NCKAP1: variants seen among roughly 807,000 people sequenced by gnomAD.
NCKAP1 encodes the protein nck-associated protein 1.
A neutral mutation model predicts 151.2 loss-of-function variants in NCKAP1; 21 were observed. The observed-to-expected ratio is 0.14, with a 90% CI of 0.10 to 0.20. NCKAP1 has a LOEUF of 0.20. NCKAP1 is among the 10% of genes least tolerant of loss of function. NCKAP1 has a pLI of 1.00. For synonymous variants in NCKAP1, 484 were observed against 451.8 expected, an observed-to-expected ratio of 1.07 and a Z score of -0.90; for missense variants, 933 against 1,352.1, an observed-to-expected ratio of 0.69 and a Z score of 4.86.
At chr2:182,952,270 A>G (rs758132405) in intron 23 of NCKAP1, 135 bp downstream of exon 23, 4 of 561,308 alleles carry the variant, frequency 7.1e-6, no homozygotes, top group Non-Finnish European at 1.2e-5. Flanking sequence ...CTTGCTAGCT[A>G]TTTAATTTTC....
chr2:183,006,425 T>G (rs545677551), intron 2 of NCKAP1, among the ~76,000 whole-genome samples: 1 of 152,360 alleles, frequency 6.6e-6, no homozygotes, highest in South Asian at 2.1e-4. Flanking sequence ...TCCCCATTAT[T>G]ACCCATAGTA....
intron 1 of NCKAP1, among the ~76,000 whole-genome samples, chr2:183,031,576 T>TG (rs1208925236): frequency 1.3e-5 from 2 of 150,696 alleles, no homozygotes; most frequent in Middle Eastern, 3.5e-3. Context: ...AATCTGGGGG[T>TG]GGGGGGGAAT....
rs145515635 is a variant in NCKAP1, at chr2:182,916,390, G to GA, written c.*9311dup. 2.0e-5 allele frequency: 3 copies of GA among 152,236 alleles called. No individual in the cohort carries two copies. In the East Asian group the frequency reaches 5.8e-4, roughly 29 times the overall value. 9.4% of individuals were successfully genotyped at this position (152,236 alleles called of 1,614,324 possible). On this transcript the variant is annotated 3_prime_UTR_variant, in exon 31 of 31. Coordinates refer to ENST00000361354, the MANE Select transcript of NCKAP1 (RefSeq NM_013436.5). ...CTTTCCTAACTTAAAGTAAGATTCT[G>GA]AGAGTTACACAGGGTAGGAAATTTG...
intron 23 of NCKAP1, among the ~76,000 whole-genome samples, chr2:182,951,209 ACT>A (rs1398400806): frequency 6.6e-6 from 1 of 151,738 alleles, no homozygotes; most frequent in Non-Finnish European, 1.5e-5. Context: ...AGTCACACTG[ACT>A]CTTGCTATTT....
intron 19 of NCKAP1, chr2:182,956,903 AGAAG>A: frequency 5.0e-6 from 1 of 200,504 alleles, no homozygotes; most frequent in Non-Finnish European, 9.8e-6. Flanking sequence ...CTGTTATGAG[AGAAG>A]GAAAGTTGTC....
chr2:183,038,040 G>A lies in NCKAP1; in HGVS notation c.60C>T (p.Leu20=), dbSNP rs138660373. 3.0e-4 allele frequency: 473 copies of A among 1,587,510 alleles called. No individual in the cohort carries two copies. The African/African-American group carries it at 5.8e-3, about 20-fold the overall frequency. Residue 20 remains leucine, a synonymous_variant, in exon 1 of 31, where the codon CTC becomes CTT. Coordinates refer to ENST00000361354, the MANE Select transcript of NCKAP1 (RefSeq NM_013436.5). ...QQKLAEKLTI[L]NDRGVGMLTR... ...TGAGCATGCCGACGCCCCGGTCGTT[G>A]AGGATGGTGAGCTTCTCCGCCAGCT...
intron 16 of NCKAP1, among the ~76,000 whole-genome samples, chr2:182,966,612 A>T (rs1697577738): frequency 6.6e-6 from 1 of 152,146 alleles, no homozygotes; most frequent in South Asian, 2.1e-4. Flanking sequence ...ATCTGATCAC[A>T]ACTAAGTTGA....
chr2:182,910,948 G>GCACCA lies in NCKAP1; in HGVS notation c.*14753_*14754insTGGTG, dbSNP rs5836857. 1 of 117,816 alleles carries GCACCA rather than the reference G, an allele frequency of 8.5e-6. No individual in the cohort carries two copies. Among genetic ancestry groups the GCACCA allele is most frequent in the African/African-American group, 2.9e-5 (1 of 34,734 alleles). The allele number at this position is 117,816 out of a possible 1,614,324, so 7.3% of individuals were successfully genotyped here. On this transcript the variant is annotated 3_prime_UTR_variant, in exon 31 of 31. Transcript: ENST00000361354. Reference sequence around the variant, plus strand: ...CTTGGAAATAAAAATAAAATCCTAAGCTCCCCCCCCACATTTGACTAAACA... The same window carrying GCACCA: ...CTTGGAAATAAAAATAAAATCCTAAGCACCACTCCCCCCCCACATTTGACTAAACA...
At chr2:182,980,935 A>G (rs1697924964) in intron 13 of NCKAP1, among the ~76,000 whole-genome samples, 1 of 152,094 alleles carries the variant, frequency 6.6e-6, no homozygotes, top group Non-Finnish European at 1.5e-5. Context: ...AGTACACCTG[A>G]TTTATGATTA....
intron 18 of NCKAP1, among the ~76,000 whole-genome samples, chr2:182,958,577 A>G (rs1178430808): frequency 9.2e-5 from 14 of 152,204 alleles, no homozygotes. Flanking sequence ...CAAGTGTAAT[A>G]AAAAAATTTT....
intron 1 of NCKAP1, among the ~76,000 whole-genome samples, chr2:183,029,225 T>G (rs1698958676): frequency 6.6e-6 from 1 of 152,138 alleles, no homozygotes; most frequent in African/African-American, 2.4e-5. Context: ...CAAGGATGTT[T>G]CAGAAAACTA....
chr2:182,942,895 A>G (rs975493504), intron 23 of NCKAP1, among the ~76,000 whole-genome samples: 2 of 152,178 alleles, frequency 1.3e-5, no homozygotes, highest in African/African-American at 4.8e-5. Flanking sequence ...AGCCTAGACA[A>G]CAATAAACCG....
chr2:182,928,371 CTT>C, intron 28 of NCKAP1, 145 bp from the exon 29 acceptor site: 1 of 573,292 alleles, frequency 1.7e-6, no homozygotes, highest in East Asian at 2.9e-5. Flanking sequence ...TCTCCTTTGA[CTT>C]TCATGAACAC....
At chr2:183,028,731 T>C (rs1052622527) in intron 1 of NCKAP1, among the ~76,000 whole-genome samples, 1 of 152,104 alleles carries the variant, frequency 6.6e-6, no homozygotes, top group Non-Finnish European at 1.5e-5. Flanking sequence ...AGTTAATAAA[T>C]AAGTTCCAAA....
chr2:182,943,200 A>C (rs1486449304), intron 23 of NCKAP1, among the ~76,000 whole-genome samples: 1 of 152,134 alleles, frequency 6.6e-6, no homozygotes, highest in Non-Finnish European at 1.5e-5. Context: ...TGGTTATTTC[A>C]ATTCAGCAGA....
At position 182,918,831 on chromosome 2, in the gene NCKAP1, T is replaced by C. The variant is rs1253827586; in HGVS notation, c.*6871A>G. 3 of 152,188 alleles carry C rather than the reference T, an allele frequency of 2.0e-5. No individual in the cohort carries two copies. Among genetic ancestry groups the C allele is most frequent in the Non-Finnish European group, 2.9e-5 (2 of 68,044 alleles). The allele number at this position is 152,188 out of a possible 1,614,324, so 9.4% of individuals were successfully genotyped here. On this transcript the variant is annotated 3_prime_UTR_variant, in exon 31 of 31. Coordinates refer to ENST00000361354, the MANE Select transcript of NCKAP1 (RefSeq NM_013436.5). ...AAAACCCACTGTACCCTAAAAGCTA[T>C]TCAAATTTTTAAAACATTAATTAAA...
rs1425232039 is a variant in NCKAP1 at position 182,978,895 on chromosome 2, T to C, written c.1362A>G (p.Glu454=). 14 of 1,608,430 alleles carry C rather than the reference T, an allele frequency of 8.7e-6. No individual in the cohort carries two copies. The highest frequency in any genetic ancestry group is 1.2e-5 in the Non-Finnish European group (14 of 1,176,380). Reference sequence around the variant, plus strand: ...AAGAGGACATGATGATTGATTCATCTTCAGGGCAAACAGAAAGATTCTGAA... The same window carrying C: ...AAGAGGACATGATGATTGATTCATCCTCAGGGCAAACAGAAAGATTCTGAA... ...ELVQNLSVCP[E]DESIIMSSFV... The change falls in exon 14 of 31, where the codon GAA becomes GAG. Residue 454 remains glutamate (E), a synonymous_variant. Coordinates refer to ENST00000361354, the MANE Select transcript of NCKAP1 (RefSeq NM_013436.5).
At chr2:183,023,102 A>C (rs1698825820) in intron 2 of NCKAP1, 4 of 152,154 alleles carry the variant, frequency 2.6e-5, no homozygotes, top group Admixed American at 2.6e-4. Context: ...CAGAGAAAAA[A>C]ATAAAAAGAG....
At chr2:183,030,282 C>T (rs1352270221) in intron 1 of NCKAP1, among the ~76,000 whole-genome samples, 4 of 152,150 alleles carry the variant, frequency 2.6e-5, no homozygotes, top group Non-Finnish European at 4.4e-5. Context: ...GCCTCAGCCT[C>T]CTAAGTACCT....
Sources: allele counts gnomAD v4.1 joint callset (sites outside exome capture counted in the v4.1 genomes callset), GRCh38; gene constraint gnomAD v4.1.1; transcripts MANE v1.5; gene names NCBI Gene and HGNC (gene_info 2026-07-23, HGNC 2026-07-21).